Variants in RPIA observed in about 807,000 individuals in gnomAD.
The protein encoded by RPIA is ribose 5-phosphate isomerase A.
Under a neutral mutation model 37.8 loss-of-function variants are expected in RPIA, and 29 were observed. The ratio of observed to expected loss-of-function variants is 0.77; its 90% CI spans 0.57 to 1.05. RPIA has a LOEUF of 1.05. Ranked by LOEUF, RPIA falls within the 50% of genes least tolerant of loss-of-function variation. The pLI, the probability that RPIA is intolerant of heterozygous loss-of-function variation, is 0.00. For synonymous variants in RPIA, 167 were observed against 157.0 expected, an observed-to-expected ratio of 1.06 and a Z score of -0.48; for missense variants, 385 against 413.6, an observed-to-expected ratio of 0.93 and a Z score of 0.60.
intron 3 of RPIA, among the ~76,000 whole-genome samples, chr2:88,709,203 A>G (rs940645164): frequency 3.9e-5 from 6 of 152,236 alleles, no homozygotes; most frequent in Non-Finnish European, 8.8e-5. Context: ...TTCTATCGCT[A>G]TGTAATTTGG....
chr2:88,740,332 T>C (rs1673367861), intron 8 of RPIA, among the ~76,000 whole-genome samples: 1 of 152,238 alleles, frequency 6.6e-6, no homozygotes, highest in Admixed American at 6.5e-5. Flanking sequence ...CAGAGTTTTG[T>C]TAGGAACTTA....
intron 8 of RPIA, among the ~76,000 whole-genome samples, chr2:88,745,467 G>A (rs1006332475): frequency 1.3e-5 from 2 of 152,156 alleles, no homozygotes; most frequent in Admixed American, 6.5e-5. Flanking sequence ...TGTAGGACTG[G>A]CTTGGTAGTG....
chr2:88,747,008 A>T (rs1258191447), intron 8 of RPIA, among the ~76,000 whole-genome samples: 1 of 152,084 alleles, frequency 6.6e-6, no homozygotes, highest in Non-Finnish European at 1.5e-5. Flanking sequence ...AGGGCCATAG[A>T]GCTCCCAAGA....
intron 8 of RPIA, among the ~76,000 whole-genome samples, chr2:88,746,344 C>T (rs892765819): frequency 1.3e-5 from 2 of 152,142 alleles, no homozygotes; most frequent in African/African-American, 4.8e-5. Context: ...CTCGTTTTGT[C>T]GTATTACCAG....
At chr2:88,699,609 C>T (rs1438089764) in intron 2 of RPIA, among the ~76,000 whole-genome samples, 1 of 152,082 alleles carries the variant, frequency 6.6e-6, no homozygotes, top group Non-Finnish European at 1.5e-5. Flanking sequence ...CAGCTGTGTC[C>T]CTTATTAGCA....
chr2:88,705,725 A>G (rs192510194), intron 3 of RPIA, among the ~76,000 whole-genome samples: 1 of 152,256 alleles, frequency 6.6e-6, no homozygotes, highest in Non-Finnish European at 1.5e-5. Context: ...ATCTAATTAA[A>G]GAGCTTCTGC....
chr2:88,701,250 CT>C (rs566674003), intron 3 of RPIA, among the ~76,000 whole-genome samples: 10,402 of 141,386 alleles, frequency 0.074, 646 homozygotes, highest in African/African-American at 0.18. Flanking sequence ...TTTTATATAG[CT>C]TTTTTTTTTT....
intron 1 of RPIA, among the ~76,000 whole-genome samples, chr2:88,692,707 G>A (rs993240967): frequency 1.3e-5 from 2 of 152,128 alleles, no homozygotes; most frequent in African/African-American, 4.8e-5. Flanking sequence ...TAATAAGGAA[G>A]CCAAGTGGAG....
intron 4 of RPIA, among the ~76,000 whole-genome samples, chr2:88,732,946 T>C (rs113944395): frequency 8.9e-4 from 135 of 152,248 alleles, no homozygotes; most frequent in African/African-American, 3.1e-3. Flanking sequence ...CCAGTATTCT[T>C]GAAGATAGGA....
At chr2:88,727,033 A>G (rs1314363416) in intron 3 of RPIA, among the ~76,000 whole-genome samples, 5 of 152,162 alleles carry the variant, frequency 3.3e-5, no homozygotes, top group African/African-American at 7.2e-5. Flanking sequence ...GCCACCGCGC[A>G]TGGCTGTTAG....
At chr2:88,695,655 G>C (rs1672731059) in intron 1 of RPIA, among the ~76,000 whole-genome samples, 1 of 152,180 alleles carries the variant, frequency 6.6e-6, no homozygotes, top group Admixed American at 6.5e-5. Flanking sequence ...TGAAGTCCTT[G>C]CCTTTGGGGA....
intron 8 of RPIA, among the ~76,000 whole-genome samples, chr2:88,740,599 C>A (rs910381095): frequency 6.6e-6 from 1 of 152,102 alleles, no homozygotes; most frequent in African/African-American, 2.4e-5. Flanking sequence ...TGTGTTCCAC[C>A]CAGAGCAGAG....
intron 3 of RPIA, among the ~76,000 whole-genome samples, chr2:88,708,029 G>A (rs1672917437): frequency 6.6e-6 from 1 of 152,212 alleles, no homozygotes; most frequent in African/African-American, 2.4e-5. Context: ...ACATCAGTTA[G>A]ATTAGCAGTT....
chr2:88,722,215 C>A (rs1258092186), intron 3 of RPIA, among the ~76,000 whole-genome samples: 1 of 151,786 alleles, frequency 6.6e-6, no homozygotes, highest in Non-Finnish European at 1.5e-5. Flanking sequence ...GTTCCTTTTA[C>A]AACTTGTTTT....
intron 1 of RPIA, among the ~76,000 whole-genome samples, chr2:88,693,442 G>A (rs1442023476): frequency 6.6e-6 from 1 of 152,212 alleles, no homozygotes; most frequent in Non-Finnish European, 1.5e-5. Flanking sequence ...TCAGGGTTTG[G>A]CTTAAAGGCC....
chr2:88,740,893 G>A (rs1673373936), intron 8 of RPIA, among the ~76,000 whole-genome samples: 1 of 152,084 alleles, frequency 6.6e-6, no homozygotes, highest in South Asian at 2.1e-4. Context: ...GTCTTGAGTG[G>A]CTACTTTGCT....
intron 3 of RPIA, among the ~76,000 whole-genome samples, chr2:88,714,677 G>A (rs1362625330): frequency 6.6e-6 from 1 of 152,194 alleles, no homozygotes; most frequent in Non-Finnish European, 1.5e-5. Context: ...GAGTCAAGTA[G>A]GTAAAGAGGA....
At chr2:88,724,470 C>T (rs1488084366) in intron 3 of RPIA, among the ~76,000 whole-genome samples, 1 of 152,024 alleles carries the variant, frequency 6.6e-6, no homozygotes, top group Non-Finnish European at 1.5e-5. Flanking sequence ...ACACACCTGG[C>T]TAATTTTTTT....
chr2:88,696,519 A>G (rs1357021825), intron 1 of RPIA, among the ~76,000 whole-genome samples: 1 of 151,836 alleles, frequency 6.6e-6, no homozygotes, highest in Non-Finnish European at 1.5e-5. Flanking sequence ...TTGATAGTTT[A>G]TATATATTAT....
Sources: gnomAD v4.1 joint callset for allele counts (sites outside exome capture counted in the v4.1 genomes callset) on GRCh38, gnomAD v4.1.1 for gene constraint, MANE v1.5 for transcripts, NCBI Gene and HGNC (gene_info 2026-07-23, HGNC 2026-07-21) for gene names.